Variants in CDCA2 observed in about 807,000 individuals in gnomAD.
CDCA2 encodes cell division cycle associated 2, also known as cell division cycle-associated protein 2.
Under a neutral mutation model 67.0 loss-of-function variants are expected in CDCA2, and 44 were observed. The observed-to-expected ratio is 0.66, with a 90% CI of 0.52 to 0.84. The LOEUF (loss-of-function observed/expected upper bound fraction) is 0.84. Among genes scored for constraint, CDCA2 ranks in the 40% least tolerant of loss-of-function variants. CDCA2 has a pLI of 0.00. For synonymous variants in CDCA2, 447 were observed against 418.7 expected, an observed-to-expected ratio of 1.07 and a Z score of -0.82; for missense variants, 1,253 against 1,203.2, an observed-to-expected ratio of 1.04 and a Z score of -0.61.
At chr8:25,465,770 T>C (rs1014673511) in intron 4 of CDCA2, among the ~76,000 whole-genome samples, 2 of 152,004 alleles carry the variant, frequency 1.3e-5, no homozygotes, top group Admixed American at 1.3e-4. Context: ...CCGTGCTGAG[T>C]AGAAACAGCT....
chr8:25,459,545 T>G (rs1178426400), intron 1 of CDCA2, 72 bp downstream of exon 1: 1 of 152,556 alleles, frequency 6.6e-6, no homozygotes, highest in Non-Finnish European at 1.5e-5. Context: ...CGGCTTACCC[T>G]GCAGCACAGA....
intron 7 of CDCA2, 56 bp from the exon 8 acceptor site, chr8:25,479,857 G>A: frequency 6.5e-7 from 1 of 1,548,940 alleles, no homozygotes. Context: ...TTTTGGTCTA[G>A]AACAAACAGA....
At chr8:25,475,449 G>A (rs1803311755) in intron 7 of CDCA2, among the ~76,000 whole-genome samples, 1 of 152,154 alleles carries the variant, frequency 6.6e-6, no homozygotes, top group South Asian at 2.1e-4. Context: ...AACCCAGGAG[G>A]CGGAGGTTGC....
At chr8:25,466,062 C>T (rs761437217) in intron 4 of CDCA2, 113 bp from the exon 5 acceptor site, 57 of 916,102 alleles carry the variant, frequency 6.2e-5, no homozygotes, top group Non-Finnish European at 9.1e-5. Flanking sequence ...TACCGCTGAT[C>T]TTCAAAAAGC....
At chr8:25,464,001 G>C (rs1252939811) in intron 4 of CDCA2, among the ~76,000 whole-genome samples, 1 of 152,176 alleles carries the variant, frequency 6.6e-6, no homozygotes, top group East Asian at 1.9e-4. Context: ...ATAGAGGTCT[G>C]TCCTGATTCT....
intron 7 of CDCA2, among the ~76,000 whole-genome samples, chr8:25,475,855 C>T (rs1803326820): frequency 6.6e-6 from 1 of 152,152 alleles, no homozygotes; most frequent in Non-Finnish European, 1.5e-5. Flanking sequence ...TTTTATCTGC[C>T]CCCCAGTGGC....
rs201995717 is a variant in CDCA2, at chr8:25,502,011, C to A, written c.1672-1362C>A. Among the ~76,000 whole-genome samples, 6 of 152,298 alleles carry A rather than the reference C, an allele frequency of 3.9e-5. No individual in the cohort carries two copies. The East Asian group carries it at 9.7e-4, about 25-fold the overall frequency. On this transcript the variant is annotated intron_variant, in intron 13 of 14. Coordinates refer to ENST00000330560, the MANE Select transcript of CDCA2 (RefSeq NM_152562.4). ...CTCCCTGGTTCATGCAATTCTCCTG[C>A]CTCAGTCTCCTGAGTAGCTGGGACT...
chr8:25,485,108 G>A (rs200942467), intron 10 of CDCA2, among the ~76,000 whole-genome samples: 1 of 54,854 alleles, frequency 1.8e-5, no homozygotes, highest in Non-Finnish European at 3.6e-5. Flanking sequence ...TGCAGAAAAA[G>A]CAGCACACCA....
intron 14 of CDCA2, among the ~76,000 whole-genome samples, chr8:25,504,884 A>C (rs1804617415): frequency 1.3e-5 from 2 of 152,352 alleles, no homozygotes; most frequent in South Asian, 4.1e-4. Context: ...CTAAAACTTC[A>C]GTCTCCTTGA....
chr8:25,473,645 C>T (rs1421341827), intron 7 of CDCA2, among the ~76,000 whole-genome samples: 1 of 152,188 alleles, frequency 6.6e-6, no homozygotes, highest in East Asian at 1.9e-4. Context: ...GATTACTAAA[C>T]ATCTCCAACG....
At chr8:25,473,761 A>G (rs1803246490) in intron 7 of CDCA2, among the ~76,000 whole-genome samples, 1 of 152,196 alleles carries the variant, frequency 6.6e-6, no homozygotes, top group East Asian at 1.9e-4. Flanking sequence ...TTTCTGATAC[A>G]TATTTTTTTC....
intron 13 of CDCA2, among the ~76,000 whole-genome samples, chr8:25,499,958 A>T (rs1385350797): frequency 2.6e-5 from 4 of 152,214 alleles, no homozygotes; most frequent in African/African-American, 7.2e-5. Flanking sequence ...AAATCTTCTC[A>T]TGACTAAGAT....
At position 25,466,345 on chromosome 8, in the gene CDCA2, T is replaced by C; in HGVS notation, c.538+20T>C. The C allele has an allele frequency of 6.4e-7, 1 of 1,565,154 alleles. No homozygotes were observed. The highest frequency in any genetic ancestry group is 8.6e-7 in the Non-Finnish European group (1 of 1,162,050). ...ACTTGAGTGAGTAGAAATAATTCGTTCAGTTTTGACTTCAATATTTATAAA... is the reference window on the plus strand; with the variant it reads ...ACTTGAGTGAGTAGAAATAATTCGTCCAGTTTTGACTTCAATATTTATAAA... On this transcript the variant is annotated intron_variant, in intron 5 of 14. Transcript: ENST00000330560.
At chr8:25,479,351 C>T (rs1241521204) in intron 7 of CDCA2, among the ~76,000 whole-genome samples, 1 of 152,142 alleles carries the variant, frequency 6.6e-6, no homozygotes, top group Admixed American at 6.5e-5. Context: ...CCTGTCACAT[C>T]ATGTATTTGT....
rs960589774 is a variant in CDCA2 at position 25,464,032 on chromosome 8, G to A, written c.387+1824G>A. The stretch of plus-strand genomic sequence containing the variant: ...ATTCTAGCTAAGCCAGCACTTTTAG[G>A]GACTCAGCCACATTCCTGATATTTC... On this transcript the variant is annotated intron_variant, in intron 4 of 14. Transcript: ENST00000330560. Among the ~76,000 whole-genome samples, 6 of 152,228 alleles carry A rather than the reference G, an allele frequency of 3.9e-5. No individual in the cohort carries two copies. The East Asian group carries it at 5.8e-4, about 15-fold the overall frequency.
Position 25,507,729 on chromosome 8 carries a change from A to G in CDCA2, c.3063A>G (p.Arg1021=). ...ALERIEHNGE[R]KQ ...AAAGGATTGAACATAATGGAGAAAG[A>G]AAGCAGTAATTGACATTTCCTGCAG... Residue 1021 remains arginine (R), a synonymous_variant, in exon 15 of 15, where the codon AGA becomes AGG. Coordinates refer to ENST00000330560, the MANE Select transcript of CDCA2 (RefSeq NM_152562.4). 6.2e-7 allele frequency: 1 copy of G among 1,609,430 alleles called. No homozygotes were observed. The highest frequency in any genetic ancestry group is 8.5e-7 in the Non-Finnish European group (1 of 1,178,632).
chr8:25,467,735 T>G (rs546654903), intron 5 of CDCA2, among the ~76,000 whole-genome samples: 154 of 152,242 alleles, frequency 1.0e-3, no homozygotes, highest in African/African-American at 3.3e-3. Context: ...TTCCTTTCAG[T>G]TAGATTTAAT....
Position 25,506,749 on chromosome 8 carries a change from A to G in CDCA2, c.2083A>G (p.Lys695Glu), listed in dbSNP as rs751254401. 4.3e-6 allele frequency: 7 copies of G among 1,613,224 alleles called. No individual in the cohort carries two copies. Among genetic ancestry groups the G allele is most frequent in the Non-Finnish European group, 5.1e-6 (6 of 1,179,824 alleles). The part of the protein sequence containing the change: ...INENKNIPKA[K>E]NKSESENEPK... ...TGAAAATAAAAATATTCCAAAAGCA[A>G]AAAATAAGTCAGAAAGTGAAAATGA... is the stretch of plus-strand genomic sequence containing the variant. Residue 695 changes from lysine (K) to glutamate (E), a missense_variant, in exon 15 of 15, where the codon AAA (lysine) becomes GAA (glutamate). By Grantham distance (56) the Lys-to-Glu change is moderately conservative. Coordinates refer to ENST00000330560, the MANE Select transcript of CDCA2 (RefSeq NM_152562.4).
Position 25,485,821 on chromosome 8 carries a change from C to A in CDCA2, c.1428C>A (p.Ile476=). 6.3e-7 allele frequency: 1 copy of A among 1,595,462 alleles called. No homozygotes were observed. The highest frequency in any genetic ancestry group is 8.6e-7 in the Non-Finnish European group (1 of 1,165,266). Residue 476 remains isoleucine (I), a synonymous_variant, in exon 11 of 15, where the codon ATC becomes ATA. Transcript: ENST00000330560. ...TCAGTTCTCCTAATAAATCATCAAT[C>A]TCTGAGACCCTTTCAGGTAGTAACT... is the stretch of plus-strand genomic sequence containing the variant. ...AVLSSPNKSS[I]SETLSGTDTF...
Sources: allele counts gnomAD v4.1 joint callset (sites outside exome capture counted in the v4.1 genomes callset), GRCh38; gene constraint gnomAD v4.1.1; transcripts MANE v1.5; gene names NCBI Gene and HGNC (gene_info 2026-07-23, HGNC 2026-07-21).